The following SCYL2 variants were observed in gnomAD, a reference collection of about 807,000 sequenced individuals.
SCYL2 encodes SCY1 like pseudokinase 2.
Under a neutral mutation model 100.4 loss-of-function variants are expected in SCYL2, and 36 were observed. That is an observed-to-expected ratio of 0.36 (90% CI 0.27 to 0.47). The LOEUF is 0.47. Among genes scored for constraint, SCYL2 ranks in the 20% least tolerant of loss-of-function variants. The probability of loss-of-function intolerance (pLI) is 1.00; values close to 1 mark genes in which losing one functional copy is unlikely to be tolerated. For synonymous variants in SCYL2, 330 were observed against 359.2 expected (o/e 0.92, Z 0.92); for missense variants, 902 against 1,083.9 (o/e 0.83, Z 2.36).
chr12:100,299,465 A>G (rs908838454), intron 4 of SCYL2, among the ~76,000 whole-genome samples: 2 of 152,148 alleles, frequency 1.3e-5, no homozygotes, highest in African/African-American at 4.8e-5. Context: ...TACTGCATCT[A>G]TTTGTAACCC....
chr12:100,273,076 A>G (rs772916884), intron 1 of SCYL2, among the ~76,000 whole-genome samples: 2 of 152,056 alleles, frequency 1.3e-5, no homozygotes, highest in East Asian at 3.9e-4. Flanking sequence ...CACCTTTAGT[A>G]TATCTTTCAC....
chr12:100,298,641 C>A (rs1469715756), intron 4 of SCYL2, among the ~76,000 whole-genome samples: 1 of 152,144 alleles, frequency 6.6e-6, no homozygotes, highest in Non-Finnish European at 1.5e-5. Context: ...CCTCCACCTC[C>A]CTGCAACCTC....
intron 11 of SCYL2, 169 bp downstream of exon 11, chr12:100,323,807 A>G (rs2096358893): frequency 2.3e-6 from 1 of 429,438 alleles, no homozygotes; most frequent in Non-Finnish European, 4.1e-6. Flanking sequence ...TTGATACATA[A>G]TTTATAATAT....
chr12:100,322,728 C>T (rs1326039415), intron 10 of SCYL2, among the ~76,000 whole-genome samples: 1 of 151,940 alleles, frequency 6.6e-6, no homozygotes, highest in Non-Finnish European at 1.5e-5. Context: ...GGTGTGTTGG[C>T]ATGTGCCTGT....
At chr12:100,269,477 T>C (rs1287503022) in intron 1 of SCYL2, among the ~76,000 whole-genome samples, 1 of 152,088 alleles carries the variant, frequency 6.6e-6, no homozygotes, top group Non-Finnish European at 1.5e-5. Context: ...TAGATGTTCC[T>C]CATCTCCTGA....
At chr12:100,303,445 T>C (rs760496051) in intron 4 of SCYL2, among the ~76,000 whole-genome samples, 1 of 150,786 alleles carries the variant, frequency 6.6e-6, no homozygotes, top group Non-Finnish European at 1.5e-5. Flanking sequence ...GTAGATGTCC[T>C]TTTTGTTGAT....
At chr12:100,289,969 T>C (rs1447888827) in intron 2 of SCYL2, among the ~76,000 whole-genome samples, 1 of 152,214 alleles carries the variant, frequency 6.6e-6, no homozygotes, top group Non-Finnish European at 1.5e-5. Flanking sequence ...TATGTGTCAT[T>C]GATCAGATGT....
chr12:100,290,661 A>G lies in SCYL2; in HGVS notation c.178-842A>G, dbSNP rs540526763. Among the ~76,000 whole-genome samples, 47 of 152,344 alleles carry G rather than the reference A, an allele frequency of 3.1e-4. No homozygotes were observed. In the South Asian group the frequency reaches 7.9e-3, roughly 26 times the overall value. ...CAGTAGGTTTAATTTGAGGCTTTCA[A>G]AGACATAGAAATTCTGAAAGAGTTT... On this transcript the variant is annotated intron_variant, in intron 2 of 17. Transcript: ENST00000360820.
chr12:100,290,638 G>A (rs754388379), intron 2 of SCYL2, among the ~76,000 whole-genome samples: 5 of 152,290 alleles, frequency 3.3e-5, no homozygotes, highest in Non-Finnish European at 7.4e-5. Flanking sequence ...TTGAGTAGCA[G>A]TAGGTTTAAT....
intron 17 of SCYL2, 29 bp downstream of exon 17, chr12:100,337,535 C>T: frequency 6.2e-7 from 1 of 1,608,066 alleles, no homozygotes; most frequent in East Asian, 2.2e-5. Flanking sequence ...TGTGTAATTT[C>T]CAGAATACGA....
At position 100,340,358 on chromosome 12, in the gene SCYL2, C is replaced by G; in HGVS notation, c.*1186C>G. 1 of 152,034 alleles carries G rather than the reference C, an allele frequency of 6.6e-6. No homozygotes were observed. The highest frequency in any genetic ancestry group is 1.9e-4 in the East Asian group (1 of 5,192). The allele number at this position is 152,034 out of a possible 1,614,324, so 9.4% of individuals were successfully genotyped here. A position where few individuals can be genotyped will look rare whatever the true frequency, so the allele number is the denominator to read the frequency against. ...TTCAAAACCTTTCTCTGATATTTTTCTTTAATTTGCTGATTATTCAACCAC... is the reference window on the plus strand; with the variant it reads ...TTCAAAACCTTTCTCTGATATTTTTGTTTAATTTGCTGATTATTCAACCAC... On this transcript the variant is annotated 3_prime_UTR_variant, in exon 18 of 18. Transcript: ENST00000360820.
At position 100,312,585 on chromosome 12, in the gene SCYL2, A is replaced by G; in HGVS notation, c.784A>G (p.Lys262Glu). ...LGTVMYAVFN[K>E]GKPIFEVNKQ... Reference sequence around the variant, plus strand: ...AACTGTTATGTATGCTGTATTTAATAAAGGGAAACCTATATTTGAAGTCAA... The same window carrying G: ...AACTGTTATGTATGCTGTATTTAATGAAGGGAAACCTATATTTGAAGTCAA... The change falls in exon 6 of 18, where the codon AAA becomes GAA. Residue 262 changes from lysine to glutamate, a missense_variant. Physicochemically the swap from Lys to Glu is moderately conservative, Grantham distance 56. Transcript: ENST00000360820. 1 of 1,613,196 alleles carries G rather than the reference A, an allele frequency of 6.2e-7. No homozygotes were observed. Among genetic ancestry groups the G allele is most frequent in the Non-Finnish European group, 8.5e-7 (1 of 1,179,366 alleles).
In SCYL2 at chr12:100,278,691, G is replaced by A. The variant is rs1175213807; in HGVS notation, c.-28-4252G>A. On this transcript the variant is annotated intron_variant, in intron 1 of 17. Coordinates refer to ENST00000360820, the MANE Select transcript of SCYL2 (RefSeq NM_017988.6). The stretch of plus-strand genomic sequence containing the variant: ...CCTCGCCAAGCTGGAGTGCAGTGGC[G>A]TGATCTCGGCTTACTGCAACCTTCA... Among the ~76,000 whole-genome samples, 5 of 148,962 alleles carry A rather than the reference G, an allele frequency of 3.4e-5. No homozygotes were observed. In the East Asian group the frequency reaches 6.0e-4, roughly 18 times the overall value.
intron 10 of SCYL2, among the ~76,000 whole-genome samples, chr12:100,323,030 GAAAAAAA>G (rs755343482): frequency 1.1e-4 from 6 of 56,764 alleles, no homozygotes; most frequent in South Asian, 5.1e-4. Context: ...CCTGTCTCAA[GAAAAAAA>G]AAAAAAAAAA....
intron 1 of SCYL2, among the ~76,000 whole-genome samples, chr12:100,273,843 C>T (rs959780214): frequency 2.6e-5 from 4 of 152,266 alleles, no homozygotes; most frequent in Non-Finnish European, 4.4e-5. Flanking sequence ...TGCTATTGGA[C>T]GGAGTCCCTA....
At chr12:100,280,246 TTAGAG>T (rs2096296658) in intron 1 of SCYL2, among the ~76,000 whole-genome samples, 5 of 152,256 alleles carry the variant, frequency 3.3e-5, no homozygotes, top group Admixed American at 2.0e-4. Context: ...ATTTATTTAC[TTAGAG>T]TAATATTTTT....
intron 13 of SCYL2, among the ~76,000 whole-genome samples, chr12:100,332,620 T>C (rs898450543): frequency 3.9e-5 from 6 of 152,192 alleles, no homozygotes; most frequent in African/African-American, 1.2e-4. Context: ...GAATAAAGTT[T>C]ACCCAAAGAG....
At chr12:100,294,135 G>A (rs1353127493) in intron 3 of SCYL2, among the ~76,000 whole-genome samples, 69 of 123,958 alleles carry the variant, frequency 5.6e-4, no homozygotes, top group Middle Eastern at 4.8e-3. Context: ...CCTCCCGGAC[G>A]GGGCGGCTGG....
At chr12:100,302,104 T>C (rs180757947) in intron 4 of SCYL2, among the ~76,000 whole-genome samples, 275 of 152,322 alleles carry the variant, frequency 1.8e-3, no homozygotes, top group Non-Finnish European at 2.8e-3. Flanking sequence ...TGCTGTATTC[T>C]ACTGTGGCTG....
Sources: gnomAD v4.1 joint callset for allele counts (sites outside exome capture counted in the v4.1 genomes callset) on GRCh38, gnomAD v4.1.1 for gene constraint, MANE v1.5 for transcripts, NCBI Gene and HGNC (gene_info 2026-07-23, HGNC 2026-07-21) for gene names.